The following HK1 variants were observed in gnomAD, a reference collection of about 807,000 sequenced individuals.
HK1 encodes hexokinase-1.
Under a neutral mutation model 91.6 loss-of-function variants are expected in HK1, and 28 were observed. That is an observed-to-expected ratio of 0.31 (90% CI 0.23 to 0.42). HK1 has a LOEUF of 0.42. Among genes scored for constraint, HK1 ranks in the 10% least tolerant of loss-of-function variants. HK1 has a pLI of 1.00. For synonymous variants in HK1, 430 were observed against 468.1 expected (o/e 0.92, Z 1.05); for missense variants, 770 against 1,219.8 (o/e 0.63, Z 5.49).
intron 1 of HK1, among the ~76,000 whole-genome samples, chr10:69,339,894 T>G (rs974004629): frequency 6.6e-6 from 1 of 152,210 alleles, no homozygotes; most frequent in Non-Finnish European, 1.5e-5. Context: ...AACTAATCAC[T>G]TAGCTTCTTG....
In HK1 at chr10:69,401,043, G is replaced by A. The variant is rs1564575554; in HGVS notation, c.2662G>A (p.Val888Met). The change falls in exon 18 of 18, where the codon GTG becomes ATG. Residue 888 changes from valine to methionine, a missense_variant. Val to Met is a conservative substitution (Grantham distance 21). Transcript: ENST00000359426. Reference protein sequence around the residue: ...TVKELSPKCNVSFLLSEDGSG... With the variant: ...TVKELSPKCNMSFLLSEDGSG... The stretch of plus-strand genomic sequence containing the variant: ...GAAGGAACTGTCACCAAAATGTAAC[G>A]TGTCCTTCCTCCTGTCTGAGGATGG... 2.5e-6 allele frequency: 4 copies of A among 1,614,196 alleles called. No homozygotes were observed. The highest frequency in any genetic ancestry group is 3.4e-6 in the Non-Finnish European group (4 of 1,180,022).
chr10:69,326,683 G>A (rs1051287611), intron 1 of HK1, among the ~76,000 whole-genome samples: 12 of 152,272 alleles, frequency 7.9e-5, no homozygotes, highest in African/African-American at 2.4e-4. Context: ...GAAGATTGAG[G>A]TTCACATAAA....
intron 3 of HK1, among the ~76,000 whole-genome samples, chr10:69,293,802 G>T (rs1259346238): frequency 6.6e-6 from 1 of 151,794 alleles, no homozygotes; most frequent in Non-Finnish European, 1.5e-5. Context: ...TGGTTGCAAG[G>T]GTTCCAAGAG....
At chr10:69,348,217 T>G (rs10823348) in intron 2 of HK1, among the ~76,000 whole-genome samples, 36,051 of 152,058 alleles carry the variant, frequency 0.24, 5,114 homozygotes, top group South Asian at 0.41. Context: ...AAAAAAATTT[T>G]CTAGAAGCTT....
chr10:69,362,643 G>A (rs1013312915), intron 3 of HK1, among the ~76,000 whole-genome samples: 4 of 152,026 alleles, frequency 2.6e-5, no homozygotes, highest in South Asian at 2.1e-4. Context: ...GCCTGGATCC[G>A]GGAACTGGTG....
chr10:69,292,938 C>T (rs1423925613), intron 3 of HK1, among the ~76,000 whole-genome samples: 1 of 152,096 alleles, frequency 6.6e-6, no homozygotes, highest in Non-Finnish European at 1.5e-5. Flanking sequence ...TTGGTTGGGA[C>T]CAGGACCCAC....
At chr10:69,364,688 T>G (rs1005665814) in intron 3 of HK1, 95 bp from the exon 4 acceptor site, 2 of 1,472,378 alleles carry the variant, frequency 1.4e-6, no homozygotes, top group Non-Finnish European at 1.9e-6. Flanking sequence ...GTAGATGTAT[T>G]CCTTTCTGTG....
Position 69,355,235 on chromosome 10 carries a change from AG to A in HK1, c.227-4659del, listed in dbSNP as rs1338548311. Reference sequence around the variant, plus strand: ...AGTTCCAGAAATATAGCAGTGTGTCAGGGCTTATAGCTTGGTAGAATCAAAT... The same window carrying A: ...AGTTCCAGAAATATAGCAGTGTGTCAGGCTTATAGCTTGGTAGAATCAAAT... On this transcript the variant is annotated intron_variant, in intron 2 of 17. Coordinates refer to ENST00000359426, the MANE Select transcript of HK1 (RefSeq NM_000188.3). Among the ~76,000 whole-genome samples the A allele has an allele frequency of 2.6e-5, 4 of 152,324 alleles. No individual in the cohort carries two copies. In the Middle Eastern group the frequency reaches 0.01, roughly 389 times the overall value.
At chr10:69,328,079 G>A (rs117318198) in intron 1 of HK1, among the ~76,000 whole-genome samples, 1 of 152,148 alleles carries the variant, frequency 6.6e-6, no homozygotes, top group Non-Finnish European at 1.5e-5. Flanking sequence ...GGGTGGATCC[G>A]ACCCGGGTAG....
At chr10:69,305,923 T>G (rs1310756935) in intron 5 of HK1, among the ~76,000 whole-genome samples, 1 of 149,146 alleles carries the variant, frequency 6.7e-6, no homozygotes, top group Middle Eastern at 3.5e-3. Flanking sequence ...AAGAAGAAAA[T>G]GACTGAGGCG....
intron 1 of HK1, among the ~76,000 whole-genome samples, chr10:69,323,244 CAAA>C (rs376198465): frequency 4.3e-5 from 4 of 92,380 alleles, no homozygotes; most frequent in Admixed American, 2.4e-4. Context: ...AACTCTGTCT[CAAA>C]AAAAAAAAAA....
At chr10:69,375,969 C>CAGT (rs1384034162) in intron 7 of HK1, among the ~76,000 whole-genome samples, 2 of 152,150 alleles carry the variant, frequency 1.3e-5, no homozygotes, top group East Asian at 3.9e-4. Flanking sequence ...GATTGGCTGT[C>CAGT]AGTATGCAGA....
intron 1 of HK1, among the ~76,000 whole-genome samples, chr10:69,332,202 C>T (rs1263391399): frequency 6.6e-6 from 1 of 152,082 alleles, no homozygotes; most frequent in Non-Finnish European, 1.5e-5. Flanking sequence ...CAGGAGTTTG[C>T]ACTCTGCATT....
intron 8 of HK1, among the ~76,000 whole-genome samples, chr10:69,378,634 G>T (rs960024783): frequency 2.0e-5 from 3 of 152,110 alleles, no homozygotes; most frequent in Non-Finnish European, 4.4e-5. Flanking sequence ...TGGCCAGGCT[G>T]GTCTCAAACT....
chr10:69,395,801 C>T (rs1167830329), intron 16 of HK1, among the ~76,000 whole-genome samples: 4 of 152,172 alleles, frequency 2.6e-5, no homozygotes, highest in Admixed American at 6.5e-5. Context: ...AGCTGATGCC[C>T]CTCAGCAAGT....
intron 1 of HK1, among the ~76,000 whole-genome samples, chr10:69,343,135 C>G (rs1321892925): frequency 6.6e-6 from 1 of 152,212 alleles, no homozygotes; most frequent in Admixed American, 6.5e-5. Flanking sequence ...TTTAAGGTTT[C>G]TGTGCTCTGG....
At chr10:69,368,705 G>A in intron 5 of HK1, 74 bp downstream of exon 5, 1 of 1,185,456 alleles carries the variant, frequency 8.4e-7, no homozygotes. Flanking sequence ...AAACAGACCA[G>A]TGCCCTTCCT....
chr10:69,327,199 C>T (rs1035168625), intron 1 of HK1, among the ~76,000 whole-genome samples: 6 of 152,038 alleles, frequency 3.9e-5, no homozygotes, highest in African/African-American at 1.4e-4. Flanking sequence ...CCATGTTGGT[C>T]AGGCTGGTCT....
chr10:69,379,824 G>A, intron 8 of HK1, 38 bp from the exon 9 acceptor site: 1 of 1,392,296 alleles, frequency 7.2e-7, no homozygotes, highest in Non-Finnish European at 1.0e-6. Flanking sequence ...TGCCTCATGT[G>A]GTCCTCAGTG....
Sources: gnomAD v4.1 joint callset for allele counts (sites outside exome capture counted in the v4.1 genomes callset) on GRCh38, gnomAD v4.1.1 for gene constraint, MANE v1.5 for transcripts, NCBI Gene and HGNC (gene_info 2026-07-23, HGNC 2026-07-21) for gene names.